Variants in GTF2F2 observed in about 807,000 individuals in gnomAD.
GTF2F2 encodes the protein general transcription factor IIF subunit 2, also known as ATP-dependent helicase GTF2F2.
In GTF2F2, 23 loss-of-function variants were observed where a neutral mutation model predicts 42.2. The observed-to-expected ratio is 0.55, with a 90% CI of 0.39 to 0.77. The LOEUF (loss-of-function observed/expected upper bound fraction) is 0.77. Ranked by LOEUF, GTF2F2 falls within the 30% of genes least tolerant of loss-of-function variation. GTF2F2 has a pLI of 0.00. For missense variants in GTF2F2, 261 were observed against 287.2 expected (o/e 0.91, Z 0.66); for synonymous variants, 105 against 100.8 (o/e 1.04, Z -0.25).
chr13:45,226,928 C>CA (rs1874386639), intron 5 of GTF2F2, among the ~76,000 whole-genome samples: 1 of 151,768 alleles, frequency 6.6e-6, no homozygotes, highest in Admixed American at 6.6e-5. Context: ...CCTGTCTCTA[C>CA]AAAAAATTTA....
At chr13:45,263,112 TTTTAAATAAA>T (rs138844580) in intron 6 of GTF2F2, among the ~76,000 whole-genome samples, 2,761 of 152,334 alleles carry the variant, frequency 0.018, 77 homozygotes, top group African/African-American at 0.059. Context: ...CTGTTTTTAT[TTTTAAATAAA>T]TTTAAATAAA....
intron 4 of GTF2F2, among the ~76,000 whole-genome samples, chr13:45,156,202 C>T (rs1323722899): frequency 6.6e-6 from 1 of 152,180 alleles, no homozygotes; most frequent in Non-Finnish European, 1.5e-5. Flanking sequence ...ATAAGATTAG[C>T]CTCCTGTGCA....
chr13:45,191,198 C>T (rs943636659), intron 4 of GTF2F2, among the ~76,000 whole-genome samples: 1 of 97,096 alleles, frequency 1.0e-5, no homozygotes, highest in African/African-American at 6.3e-5. Context: ...GATGAAACCC[C>T]GTCTCTACTA....
rs1593492681 is a variant in GTF2F2 at position 45,209,714 on chromosome 13, G to T, written c.386+2209G>T. ...TTCAACATCAAACATACATACAAAA[G>T]CCGGGTTGAATGTCTGATAGACATT... On this transcript the variant is annotated intron_variant, in intron 5 of 7. Transcript: ENST00000340473. Among the ~76,000 whole-genome samples the T allele has an allele frequency of 1.3e-5, 2 of 152,264 alleles. 1 individual carries two copies. The highest frequency in any genetic ancestry group is 1.3e-4 in the Admixed American group (2 of 15,296).
At chr13:45,134,953 C>CTT (rs879506133) in intron 1 of GTF2F2, among the ~76,000 whole-genome samples, 3 of 142,772 alleles carry the variant, frequency 2.1e-5, no homozygotes, top group Non-Finnish European at 3.1e-5. Flanking sequence ...TATTGTCTAA[C>CTT]TTTTTTTTTT....
intron 1 of GTF2F2, among the ~76,000 whole-genome samples, chr13:45,124,975 C>T (rs568674119): frequency 3.9e-5 from 6 of 152,338 alleles, no homozygotes; most frequent in South Asian, 4.1e-4. Flanking sequence ...CCACCCTTCC[C>T]GGCTAGCTTT....
chr13:45,280,916 A>G (rs1023869970), intron 7 of GTF2F2, among the ~76,000 whole-genome samples: 7 of 152,240 alleles, frequency 4.6e-5, no homozygotes, highest in Admixed American at 6.5e-5. Flanking sequence ...TTTGTGCAAC[A>G]TCGTCTTAGC....
intron 5 of GTF2F2, among the ~76,000 whole-genome samples, chr13:45,234,909 G>T (rs1237848130): frequency 6.6e-6 from 1 of 151,998 alleles, no homozygotes; most frequent in Non-Finnish European, 1.5e-5. Flanking sequence ...GCCGGGCATG[G>T]TGGCGCATGC....
intron 5 of GTF2F2, among the ~76,000 whole-genome samples, chr13:45,238,893 G>C (rs1310370977): frequency 6.8e-6 from 1 of 146,526 alleles, no homozygotes; most frequent in Admixed American, 6.8e-5. Flanking sequence ...GCGGTGAGCC[G>C]AGATGGCGCC....
At chr13:45,199,821 G>T (rs990712583) in intron 4 of GTF2F2, among the ~76,000 whole-genome samples, 5 of 152,146 alleles carry the variant, frequency 3.3e-5, no homozygotes, top group Admixed American at 6.5e-5. Flanking sequence ...GTATACTAGC[G>T]CCTGCCACTG....
intron 1 of GTF2F2, among the ~76,000 whole-genome samples, chr13:45,135,714 T>G (rs1396897597): frequency 6.6e-6 from 1 of 152,230 alleles, no homozygotes; most frequent in African/African-American, 2.4e-5. Context: ...CATGAAGTAC[T>G]GCTAGGTAGA....
In GTF2F2 at chr13:45,267,249, AAAAG is replaced by A. The variant is rs1326515482; in HGVS notation, c.510_513del (p.Glu171ThrfsTer13). The stretch of plus-strand genomic sequence containing the variant: ...TGCATATAGATCGAATATGAAAGGA[AAAAG>A]AAAGAAGACGGAAAGCGAGCTCGAG... On this transcript the variant is annotated frameshift_variant, in exon 7 of 8. Coordinates refer to ENST00000340473, the MANE Select transcript of GTF2F2 (RefSeq NM_004128.3). LOFTEE classifies it high-confidence loss of function. The A allele has an allele frequency of 6.2e-7, 1 of 1,613,098 alleles. No homozygotes were observed. The highest frequency in any genetic ancestry group is 8.5e-7 in the Non-Finnish European group (1 of 1,179,382).
intron 6 of GTF2F2, 149 bp from the exon 7 acceptor site, chr13:45,267,084 G>A (rs1190599247): frequency 1.8e-6 from 1 of 545,550 alleles, no homozygotes; most frequent in Admixed American, 3.5e-5. Flanking sequence ...AGGAGGTGGG[G>A]GTTGCAGTGA....
chr13:45,198,421 T>A (rs1016761638), intron 4 of GTF2F2, among the ~76,000 whole-genome samples: 3 of 152,242 alleles, frequency 2.0e-5, no homozygotes, highest in Admixed American at 6.5e-5. Context: ...AGTATGATAA[T>A]TCTCCTAGAC....
At chr13:45,127,812 TG>T (rs1200581931) in intron 1 of GTF2F2, among the ~76,000 whole-genome samples, 3 of 151,794 alleles carry the variant, frequency 2.0e-5, no homozygotes, top group Non-Finnish European at 4.4e-5. Context: ...TTTGTATTTT[TG>T]GTAGAGACGG....
chr13:45,176,497 T>C (rs1871883805), intron 4 of GTF2F2, among the ~76,000 whole-genome samples: 1 of 152,196 alleles, frequency 6.6e-6, no homozygotes, highest in South Asian at 2.1e-4. Flanking sequence ...CTTTTTCTTT[T>C]TGAGTTGTAG....
intron 2 of GTF2F2, among the ~76,000 whole-genome samples, chr13:45,140,114 A>ATT (rs1002989702): frequency 6.4e-5 from 9 of 140,800 alleles, no homozygotes; most frequent in East Asian, 2.0e-4. Context: ...TGCCCAGCTA[A>ATT]TTTTTTTTTT....
chr13:45,216,816 C>A (rs1266632719), intron 5 of GTF2F2, among the ~76,000 whole-genome samples: 2 of 151,842 alleles, frequency 1.3e-5, no homozygotes, highest in Non-Finnish European at 2.9e-5. Context: ...ACCGCGCCGG[C>A]CCAAAGTTTG....
chr13:45,244,514 A>T (rs1468706753), intron 5 of GTF2F2, among the ~76,000 whole-genome samples: 2 of 151,880 alleles, frequency 1.3e-5, no homozygotes, highest in African/African-American at 4.8e-5. Context: ...TGTTTTTTTG[A>T]TGGGAAAAAA....
Sources: allele counts gnomAD v4.1 joint callset (sites outside exome capture counted in the v4.1 genomes callset), GRCh38; gene constraint gnomAD v4.1.1; transcripts MANE v1.5; gene names NCBI Gene and HGNC (gene_info 2026-07-23, HGNC 2026-07-21).